Variants in TXNRD2 observed in about 807,000 individuals in gnomAD.
The protein encoded by TXNRD2 is thioredoxin reductase 2.
A neutral mutation model predicts 70.8 loss-of-function variants in TXNRD2; 67 were observed. The observed-to-expected ratio is 0.95, with a 90% CI of 0.78 to 1.16. The LOEUF (loss-of-function observed/expected upper bound fraction) is 1.16. Among genes scored for constraint, TXNRD2 ranks in the 50% most tolerant of loss-of-function variants. The pLI is 0.00. For synonymous variants in TXNRD2, 301 were observed against 295.8 expected (o/e 1.02, Z -0.18); for missense variants, 644 against 719.9 (o/e 0.89, Z 1.21).
chr22:19,884,625 G>T (rs1418718493), intron 11 of TXNRD2: 1 of 152,206 alleles, frequency 6.6e-6, no homozygotes, highest in Non-Finnish European at 1.5e-5. Flanking sequence ...GAGTCCAGAG[G>T]GGCCTCCTTC....
chr22:19,896,108 T>C (rs1040582620), intron 10 of TXNRD2, among the ~76,000 whole-genome samples: 1 of 152,040 alleles, frequency 6.6e-6, no homozygotes, highest in Non-Finnish European at 1.5e-5. Flanking sequence ...TCATCCTGGC[T>C]AACACGGTGA....
intron 13 of TXNRD2, 69 bp downstream of exon 13, chr22:19,880,553 A>C (rs1601384168): frequency 7.0e-7 from 1 of 1,434,144 alleles, no homozygotes; most frequent in South Asian, 1.1e-5. Context: ...AAGGCCCCTC[A>C]CCCCAGAAGA....
At chr22:19,912,524 G>A (rs1254914772) in intron 7 of TXNRD2, among the ~76,000 whole-genome samples, 1 of 152,242 alleles carries the variant, frequency 6.6e-6, no homozygotes, top group Non-Finnish European at 1.5e-5. Flanking sequence ...GCGGATGCAC[G>A]TGCAGCTCTG....
intron 1 of TXNRD2, 57 bp from the exon 2 acceptor site, chr22:19,931,155 G>A: frequency 1.3e-6 from 2 of 1,531,516 alleles, no homozygotes; most frequent in Non-Finnish European, 9.0e-7. Flanking sequence ...CGTGGTACAG[G>A]ATCAATTTTA....
At chr22:19,927,300 A>AAT (rs1555914618) in intron 2 of TXNRD2, among the ~76,000 whole-genome samples, 1 of 151,916 alleles carries the variant, frequency 6.6e-6, no homozygotes, top group Non-Finnish European at 1.5e-5. Context: ...GTCTCAAAAA[A>AAT]ATATATATAT....
intron 2 of TXNRD2, among the ~76,000 whole-genome samples, chr22:19,921,768 C>T (rs941005862): frequency 1.8e-4 from 28 of 152,230 alleles, no homozygotes; most frequent in Middle Eastern, 3.4e-3. Context: ...ATCTGATCGG[C>T]GCATGTGTCT....
chr22:19,910,020 A>T (rs1940335929), intron 8 of TXNRD2, among the ~76,000 whole-genome samples: 1 of 139,624 alleles, frequency 7.2e-6, no homozygotes, highest in Non-Finnish European at 1.6e-5. Context: ...CACGCACACC[A>T]TGCACATTCG....
rs1938480423 is a variant in TXNRD2 at position 19,875,812 on chromosome 22, C to T, written c.*66-5G>A. The T allele has an allele frequency of 6.6e-6, 1 of 152,426 alleles. No individual in the cohort carries two copies. The highest frequency in any genetic ancestry group is 1.5e-5 in the Non-Finnish European group (1 of 68,184). The allele number at this position is 152,426 out of a possible 1,614,324, so 9.4% of individuals were successfully genotyped here. A position where few individuals can be genotyped will look rare whatever the true frequency, so the allele number is the denominator to read the frequency against. ...CAAACCTGGCCTGCAGCCATCCTGC[C>T]AACAACAGGAAGGTCAGCACAGGTC... On this transcript the variant is annotated splice_region_variant and splice_polypyrimidine_tract_variant and intron_variant, in intron 17 of 17. Transcript: ENST00000400521.
intron 11 of TXNRD2, among the ~76,000 whole-genome samples, chr22:19,892,857 C>T (rs1939328351): frequency 6.6e-6 from 1 of 152,342 alleles, no homozygotes; most frequent in East Asian, 1.9e-4. Flanking sequence ...CATCAGTACA[C>T]TCCAGAGTCC....
intron 12 of TXNRD2, among the ~76,000 whole-genome samples, chr22:19,882,402 T>A (rs1938819368): frequency 6.6e-6 from 1 of 152,166 alleles, no homozygotes; most frequent in Non-Finnish European, 1.5e-5. Context: ...TTTCACCATG[T>A]TGGCTAGGCT....
chr22:19,907,966 G>A (rs1477139967), intron 8 of TXNRD2, among the ~76,000 whole-genome samples: 6 of 91,938 alleles, frequency 6.5e-5, no homozygotes, highest in Non-Finnish European at 8.3e-5. Context: ...GAGTGTGGGC[G>A]CCGTGGGTAG....
At chr22:19,919,940 G>GC (rs1400285761) in intron 2 of TXNRD2, among the ~76,000 whole-genome samples, 1 of 152,102 alleles carries the variant, frequency 6.6e-6, no homozygotes, top group African/African-American at 2.4e-5. Flanking sequence ...AGCCCCACCT[G>GC]CCCCTGCATG....
At chr22:19,899,141 C>G in intron 8 of TXNRD2, 73 bp from the exon 9 acceptor site, 1 of 1,594,084 alleles carries the variant, frequency 6.3e-7, no homozygotes, top group South Asian at 1.1e-5. Flanking sequence ...AGAGCAGAAC[C>G]CCGCAGCCTT....
intron 1 of TXNRD2, among the ~76,000 whole-genome samples, chr22:19,939,028 A>G (rs1490739370): frequency 6.6e-6 from 1 of 152,180 alleles, no homozygotes; most frequent in Non-Finnish European, 1.5e-5. Context: ...CTCCCAAACC[A>G]ATACCTGGGA....
At chr22:19,914,536 C>G (rs1465030588) in intron 7 of TXNRD2, among the ~76,000 whole-genome samples, 1 of 152,190 alleles carries the variant, frequency 6.6e-6, no homozygotes, top group East Asian at 1.9e-4. Context: ...CACACACGTA[C>G]CAGTTACATG....
intron 8 of TXNRD2, among the ~76,000 whole-genome samples, chr22:19,907,889 G>A (rs1295099844): frequency 2.3e-5 from 1 of 42,706 alleles, no homozygotes; most frequent in African/African-American, 1.1e-4. Context: ...TGTGGGCGCC[G>A]TGGGTAGCAG....
At position 19,888,495 on chromosome 22, in the gene TXNRD2, G is replaced by C. The variant is rs370117704; in HGVS notation, c.950-5034C>G. ...AGGCATGCCCTCTGATTTCACGCCC[G>C]CCTGGGACACATTTTCCCAAGAGAA... On this transcript the variant is annotated intron_variant, in intron 11 of 17. Transcript: ENST00000400521. Among the ~76,000 whole-genome samples the C allele has an allele frequency of 8.5e-5, 13 of 152,326 alleles. No individual in the cohort carries two copies. In the South Asian group the frequency reaches 1.0e-3, roughly 12 times the overall value.
At chr22:19,892,480 A>C (rs1447023069) in intron 11 of TXNRD2, among the ~76,000 whole-genome samples, 2 of 152,266 alleles carry the variant, frequency 1.3e-5, no homozygotes, top group Admixed American at 6.5e-5. Flanking sequence ...TCATTTTGAA[A>C]GTACAAAAAA....
At chr22:19,893,190 A>G (rs757310071) in intron 11 of TXNRD2, among the ~76,000 whole-genome samples, 30 of 152,130 alleles carry the variant, frequency 2.0e-4, no homozygotes, top group Admixed American at 7.9e-4. Context: ...GGCCAGCCCC[A>G]CGCAAGCCCG....
Sources: allele counts gnomAD v4.1 joint callset (sites outside exome capture counted in the v4.1 genomes callset), GRCh38; gene constraint gnomAD v4.1.1; transcripts MANE v1.5; gene names NCBI Gene and HGNC (gene_info 2026-07-23, HGNC 2026-07-21).